Variants in KIAA0825 observed in about 807,000 individuals in gnomAD.
KIAA0825 encodes KIAA0825, also known as uncharacterized protein KIAA0825.
In KIAA0825, 119 loss-of-function variants were observed where a neutral mutation model predicts 147.6. The observed-to-expected ratio is 0.81, with a 90% confidence interval of 0.69 to 0.94. KIAA0825 has a LOEUF of 0.94. Among genes scored for constraint, KIAA0825 ranks in the 40% least tolerant of loss-of-function variants. The pLI is 0.00. For synonymous variants in KIAA0825, 470 were observed against 518.1 expected, an observed-to-expected ratio of 0.91 and a Z score of 1.26; for missense variants, 1,381 against 1,472.7, an observed-to-expected ratio of 0.94 and a Z score of 1.02.
chr5:94,246,675 T>C (rs1775633635), intron 20 of KIAA0825, among the ~76,000 whole-genome samples: 2 of 152,216 alleles, frequency 1.3e-5, no homozygotes, highest in African/African-American at 4.8e-5. Context: ...AGAGCAGATA[T>C]GAGTTATGTC....
intron 5 of KIAA0825, among the ~76,000 whole-genome samples, chr5:94,496,951 T>C (rs1193846776): frequency 6.6e-6 from 1 of 152,222 alleles, no homozygotes; most frequent in Non-Finnish European, 1.5e-5. Flanking sequence ...TAAAATCCCA[T>C]GTCTCATTTG....
chr5:94,394,769 A>G (rs1309473851), intron 17 of KIAA0825, among the ~76,000 whole-genome samples: 1 of 152,188 alleles, frequency 6.6e-6, no homozygotes, highest in African/African-American at 2.4e-5. Context: ...ATTGGATTAA[A>G]GCCTGTAAAT....
intron 20 of KIAA0825, among the ~76,000 whole-genome samples, chr5:94,246,875 T>C (rs1775651116): frequency 6.6e-6 from 1 of 152,114 alleles, no homozygotes; most frequent in Admixed American, 6.6e-5. Context: ...GCCTGCCTCA[T>C]TTGGTAAGGT....
At chr5:94,316,012 T>G (rs886131865) in intron 20 of KIAA0825, among the ~76,000 whole-genome samples, 10 of 151,736 alleles carry the variant, frequency 6.6e-5, no homozygotes, top group Non-Finnish European at 1.0e-4. Context: ...ATGTGTATTT[T>G]GGGTTTGTTT....
chr5:94,553,890 CAT>C (rs1022366781), intron 2 of KIAA0825, among the ~76,000 whole-genome samples: 2 of 152,028 alleles, frequency 1.3e-5, no homozygotes, highest in African/African-American at 4.8e-5. Context: ...ATGAGAAGGA[CAT>C]ATTTCTGAAC....
chr5:94,581,318 A>G (rs1035717400), intron 2 of KIAA0825, among the ~76,000 whole-genome samples: 10 of 152,216 alleles, frequency 6.6e-5, no homozygotes, highest in African/African-American at 9.6e-5. Context: ...AAAATGCCTA[A>G]GCTAACTGTT....
chr5:94,270,753 A>C (rs1776945163), intron 20 of KIAA0825, among the ~76,000 whole-genome samples: 1 of 152,174 alleles, frequency 6.6e-6, no homozygotes, highest in African/African-American at 2.4e-5. Flanking sequence ...CAGAAAGAAA[A>C]ATACAGACAC....
At chr5:94,203,204 G>A (rs1168328375) in intron 20 of KIAA0825, among the ~76,000 whole-genome samples, 1 of 152,192 alleles carries the variant, frequency 6.6e-6, no homozygotes. Flanking sequence ...AACCCTCCCA[G>A]TGATTAATTA....
intron 3 of KIAA0825, among the ~76,000 whole-genome samples, chr5:94,536,724 T>C (rs1772102119): frequency 6.6e-6 from 1 of 152,230 alleles, no homozygotes; most frequent in Non-Finnish European, 1.5e-5. Context: ...ACATCAACAT[T>C]GACAAGCTCT....
intron 20 of KIAA0825, among the ~76,000 whole-genome samples, chr5:94,258,840 G>A (rs1048945634): frequency 6.6e-6 from 1 of 151,974 alleles, no homozygotes; most frequent in East Asian, 1.9e-4. Context: ...TGCTGTAAAT[G>A]CTACAGAATG....
intron 20 of KIAA0825, among the ~76,000 whole-genome samples, chr5:94,170,685 G>A (rs977639371): frequency 6.6e-6 from 1 of 152,156 alleles, no homozygotes; most frequent in Non-Finnish European, 1.5e-5. Context: ...AAATGAAAAT[G>A]AAAGCTTCAT....
At chr5:94,244,761 G>C (rs1308779292) in intron 20 of KIAA0825, among the ~76,000 whole-genome samples, 2 of 152,086 alleles carry the variant, frequency 1.3e-5, no homozygotes, top group South Asian at 2.1e-4. Flanking sequence ...GAATAGTAGG[G>C]AGTAACCTTT....
intron 20 of KIAA0825, among the ~76,000 whole-genome samples, chr5:94,171,744 C>T (rs570290219): frequency 6.6e-6 from 1 of 152,060 alleles, no homozygotes; most frequent in South Asian, 2.1e-4. Flanking sequence ...AGATTGTTTG[C>T]CATTATTGTA....
chr5:94,216,700 A>G (rs941370711), intron 20 of KIAA0825, among the ~76,000 whole-genome samples: 1 of 152,186 alleles, frequency 6.6e-6, no homozygotes, highest in Non-Finnish European at 1.5e-5. Context: ...ATTCACAAGA[A>G]TTGTCTCTAA....
intron 5 of KIAA0825, among the ~76,000 whole-genome samples, chr5:94,487,100 G>C (rs369336430): frequency 1.7e-3 from 259 of 152,254 alleles, no homozygotes; most frequent in African/African-American, 5.8e-3. Context: ...AATTATGCGA[G>C]GTCTGAGGAT....
At chr5:94,522,375 TA>T (rs202131566) in intron 4 of KIAA0825, among the ~76,000 whole-genome samples, 1,575 of 151,848 alleles carry the variant, frequency 0.01, 28 homozygotes, top group African/African-American at 0.035. Context: ...ACATCAGCAT[TA>T]CTGTAAATTC....
chr5:94,391,651 C>G lies in KIAA0825; in HGVS notation c.3340G>C (p.Asp1114His), dbSNP rs1280493572. 6.4e-7 allele frequency: 1 copy of G among 1,550,826 alleles called. No individual in the cohort carries two copies. Among genetic ancestry groups the G allele is most frequent in the Admixed American group, 2.0e-5 (1 of 50,848 alleles). Reference protein sequence around the residue: ...IEKSTALQEGDVALELTEQKI... With the variant: ...IEKSTALQEGHVALELTEQKI... The stretch of plus-strand genomic sequence containing the variant: ...TGCTCAGTCAGTTCAAGAGCAACAT[C>G]TCCTTCTTGTAAGGCCGTGCTTTTC... The change falls in exon 18 of 21, where the codon GAT becomes CAT. Residue 1114 changes from aspartate to histidine, a missense_variant. By Grantham distance (81) the Asp-to-His change is moderately conservative (BLOSUM62 -1). Coordinates refer to ENST00000682413, the MANE Select transcript of KIAA0825 (RefSeq NM_001145678.3).
At chr5:94,439,740 G>C (rs1250502510) in intron 14 of KIAA0825, among the ~76,000 whole-genome samples, 1 of 152,160 alleles carries the variant, frequency 6.6e-6, no homozygotes, top group Non-Finnish European at 1.5e-5. Flanking sequence ...TATAATGGTA[G>C]TTGTGATAGA....
intron 1 of KIAA0825, among the ~76,000 whole-genome samples, chr5:94,585,628 C>T (rs1026186961): frequency 3.3e-5 from 5 of 152,078 alleles, no homozygotes; most frequent in African/African-American, 1.2e-4. Context: ...TTAGACAGAT[C>T]AACGAGATGG....
Sources: gnomAD v4.1 joint callset for allele counts (sites outside exome capture counted in the v4.1 genomes callset) on GRCh38, gnomAD v4.1.1 for gene constraint, MANE v1.5 for transcripts, NCBI Gene and HGNC (gene_info 2026-07-23, HGNC 2026-07-21) for gene names.